Variants in ZNF366 observed in about 807,000 individuals in gnomAD.
ZNF366 encodes zinc finger protein 366.
In ZNF366, 20 loss-of-function variants were observed where a neutral mutation model predicts 47.2. That is an observed-to-expected ratio of 0.42 (90% CI 0.30 to 0.62). The LOEUF (loss-of-function observed/expected upper bound fraction) is 0.62, where lower values mean the gene tolerates loss of function less well. Ranked by LOEUF, ZNF366 falls within the 20% of genes least tolerant of loss-of-function variation. The pLI, the probability that ZNF366 is intolerant of heterozygous loss-of-function variation, is 0.16. For missense variants in ZNF366, 987 were observed against 976.3 expected (o/e 1.01, Z -0.15); for synonymous variants, 421 against 395.1 (o/e 1.07, Z -0.78).
At chr5:72,456,068 A>G (rs1743177228) in intron 3 of ZNF366, among the ~76,000 whole-genome samples, 1 of 152,202 alleles carries the variant, frequency 6.6e-6, no homozygotes, top group Admixed American at 6.5e-5. Flanking sequence ...TCCTCTCTAG[A>G]ACAAAGGCTC....
intron 1 of ZNF366, among the ~76,000 whole-genome samples, chr5:72,484,857 A>C (rs1743862227): frequency 6.6e-6 from 1 of 152,240 alleles, no homozygotes; most frequent in South Asian, 2.1e-4. Flanking sequence ...AATTAATGAC[A>C]AAGTATTCAA....
chr5:72,469,970 G>A (rs756007778), intron 1 of ZNF366, among the ~76,000 whole-genome samples: 9 of 152,116 alleles, frequency 5.9e-5, no homozygotes, highest in East Asian at 3.8e-4. Context: ...GCTTGAGCTC[G>A]GGATTTCAAG....
chr5:72,467,835 G>A (rs1459211206), intron 1 of ZNF366, among the ~76,000 whole-genome samples: 1 of 152,144 alleles, frequency 6.6e-6, no homozygotes, highest in Non-Finnish European at 1.5e-5. Context: ...GTACCCTAGA[G>A]CTCTGTTCTC....
chr5:72,490,851 G>T (rs1743994405), intron 1 of ZNF366, among the ~76,000 whole-genome samples: 2 of 152,176 alleles, frequency 1.3e-5, no homozygotes, highest in Non-Finnish European at 2.9e-5. Flanking sequence ...CATGATAGTT[G>T]CTGTAAGTAA....
intron 1 of ZNF366, among the ~76,000 whole-genome samples, chr5:72,494,825 C>T (rs941989381): frequency 6.6e-6 from 1 of 152,068 alleles, no homozygotes; most frequent in African/African-American, 2.4e-5. Context: ...TGTCGAATGA[C>T]TACTATGGCA....
chr5:72,490,147 G>A (rs1301909357), intron 1 of ZNF366, among the ~76,000 whole-genome samples: 1 of 152,190 alleles, frequency 6.6e-6, no homozygotes, highest in East Asian at 1.9e-4. Flanking sequence ...AGCTTCAAGG[G>A]TCAGAGAAGG....
intron 2 of ZNF366, 150 bp from the exon 3 acceptor site, chr5:72,456,745 T>C (rs950270828): frequency 1.3e-6 from 1 of 752,036 alleles, no homozygotes; most frequent in African/African-American, 1.7e-5. Flanking sequence ...TCAGCCTTGT[T>C]AAATTACTAT....
chr5:72,500,001 A>G (rs919784233), intron 1 of ZNF366, among the ~76,000 whole-genome samples: 3 of 152,060 alleles, frequency 2.0e-5, no homozygotes, highest in South Asian at 2.1e-4. Context: ...CTGTTCCAAG[A>G]GAGAACGGTG....
chr5:72,470,872 C>A (rs977084380), intron 1 of ZNF366, among the ~76,000 whole-genome samples: 2 of 152,240 alleles, frequency 1.3e-5, no homozygotes, highest in Non-Finnish European at 2.9e-5. Flanking sequence ...GCCCCTGCTT[C>A]ATCCTGGCTC....
chr5:72,468,055 G>A (rs551595710), intron 1 of ZNF366, among the ~76,000 whole-genome samples: 1 of 152,272 alleles, frequency 6.6e-6, no homozygotes, highest in South Asian at 2.1e-4. Flanking sequence ...AAAATGAAAT[G>A]TTCTAACGTT....
chr5:72,472,761 C>T (rs1018298549), intron 1 of ZNF366, among the ~76,000 whole-genome samples: 2 of 152,176 alleles, frequency 1.3e-5, no homozygotes, highest in Non-Finnish European at 2.9e-5. Flanking sequence ...AGGGTGAGCC[C>T]TGTAGATTTT....
chr5:72,465,621 A>C (rs1442706702), intron 1 of ZNF366, among the ~76,000 whole-genome samples: 1 of 152,212 alleles, frequency 6.6e-6, no homozygotes, highest in Admixed American at 6.5e-5. Flanking sequence ...TAAGAGACCC[A>C]AAACATGAGG....
At chr5:72,473,058 G>A (rs558290307) in intron 1 of ZNF366, among the ~76,000 whole-genome samples, 3 of 152,160 alleles carry the variant, frequency 2.0e-5, no homozygotes, top group Admixed American at 2.0e-4. Flanking sequence ...ACCTTTCTGC[G>A]TTGTCACTAT....
In ZNF366 at chr5:72,460,245, T is replaced by G. The variant is rs759722431; in HGVS notation, c.1252A>C (p.Ile418Leu). 3.1e-5 allele frequency: 50 copies of G among 1,614,156 alleles called. No homozygotes were observed. The highest frequency in any genetic ancestry group is 4.2e-5 in the Non-Finnish European group (50 of 1,179,994). ...LQNHMMKHKD[I>L]RPYICSECGM... ...CACTCTGAGCAGATGTAGGGCCGGA[T>G]GTCCTTGTGCTTCATCATGTGGTTC... is the stretch of plus-strand genomic sequence containing the variant. The change falls in exon 2 of 5, where the codon ATC becomes CTC. Residue 418 changes from isoleucine (I) to leucine (L), a missense_variant. By Grantham distance (5) the Ile-to-Leu change is conservative. Coordinates refer to ENST00000318442, the MANE Select transcript of ZNF366 (RefSeq NM_152625.3).
intron 1 of ZNF366, among the ~76,000 whole-genome samples, chr5:72,493,071 T>C (rs1484700348): frequency 6.6e-6 from 1 of 152,232 alleles, no homozygotes; most frequent in Non-Finnish European, 1.5e-5. Flanking sequence ...ACTGTCTTAA[T>C]TGCCTGCCTG....
intron 1 of ZNF366, among the ~76,000 whole-genome samples, chr5:72,473,230 A>C (rs1344767332): frequency 1.3e-5 from 2 of 152,228 alleles, no homozygotes; most frequent in African/African-American, 4.8e-5. Flanking sequence ...CCATATTGGA[A>C]CAATGAGGCA....
chr5:72,481,459 C>T (rs1484703295), intron 1 of ZNF366, among the ~76,000 whole-genome samples: 1 of 152,082 alleles, frequency 6.6e-6, no homozygotes, highest in Non-Finnish European at 1.5e-5. Context: ...TCTCTATGCA[C>T]TAGACAAATA....
chr5:72,480,032 C>G (rs1743761534), intron 1 of ZNF366, among the ~76,000 whole-genome samples: 1 of 152,212 alleles, frequency 6.6e-6, no homozygotes, highest in African/African-American at 2.4e-5. Flanking sequence ...ATGTGGCATA[C>G]ACGGTCCAAG....
In ZNF366 at chr5:72,455,382, G is replaced by A. The variant is rs184296072; in HGVS notation, c.1524+1022C>T. On this transcript the variant is annotated intron_variant, in intron 3 of 4. Transcript: ENST00000318442. ...CACTTCAGGAATATAGATCAGCAGA[G>A]TATCATTTGAACCCGATTAGGTACC... 3.3e-5 allele frequency among the ~76,000 whole-genome samples: 5 copies of A among 152,300 alleles called. No homozygotes were observed. In the East Asian group the frequency reaches 9.7e-4, roughly 29 times the overall value.
Sources: gnomAD v4.1 joint callset for allele counts (sites outside exome capture counted in the v4.1 genomes callset) on GRCh38, gnomAD v4.1.1 for gene constraint, MANE v1.5 for transcripts, NCBI Gene and HGNC (gene_info 2026-07-23, HGNC 2026-07-21) for gene names.